Variants in SRGAP3 observed in about 807,000 individuals in gnomAD.
SRGAP3 encodes SLIT-ROBO Rho GTPase activating protein 3.
A neutral mutation model predicts 121.1 loss-of-function variants in SRGAP3; 39 were observed. The observed-to-expected ratio is 0.32, with a 90% CI of 0.25 to 0.42. The LOEUF is 0.42. SRGAP3 is among the 10% of genes least tolerant of loss of function. The pLI is 1.00. For synonymous variants in SRGAP3, 601 were observed against 570.0 expected (o/e 1.05, Z -0.77); for missense variants, 1,213 against 1,470.6 (o/e 0.82, Z 2.86).
intron 3 of SRGAP3, among the ~76,000 whole-genome samples, chr3:9,299,594 A>T (rs907840867): frequency 6.6e-6 from 1 of 152,040 alleles, no homozygotes; most frequent in African/African-American, 2.4e-5. Context: ...TGAAACACTG[A>T]TCATGTTGCT....
rs921375601 is a variant in SRGAP3, at chr3:9,089,872, T to C, written c.424-9785A>G. 7.9e-5 allele frequency among the ~76,000 whole-genome samples: 12 copies of C among 152,240 alleles called. No homozygotes were observed. In the East Asian group the frequency reaches 2.1e-3, roughly 27 times the overall value. On this transcript the variant is annotated intron_variant, in intron 3 of 21. Coordinates refer to ENST00000383836, the MANE Select transcript of SRGAP3 (RefSeq NM_014850.4). ...AGGCTAAGCCAATGAAGAATCTTCT[T>C]TGGGACGTTTCTCATAACCACACTC...
chr3:8,988,810 C>T (rs1028344704), intron 21 of SRGAP3, among the ~76,000 whole-genome samples: 2 of 152,210 alleles, frequency 1.3e-5, no homozygotes, highest in Non-Finnish European at 2.9e-5. Flanking sequence ...CAGGAGAGCA[C>T]TACCTAGATC....
At chr3:9,110,330 CACG>C (rs1170129323) in intron 2 of SRGAP3, among the ~76,000 whole-genome samples, 8 of 152,144 alleles carry the variant, frequency 5.3e-5, no homozygotes, top group Admixed American at 4.6e-4. Flanking sequence ...TCGAGTCGAA[CACG>C]ACGAGTCTAA....
chr3:9,286,602 T>C (rs1487042840), intron 3 of SRGAP3, among the ~76,000 whole-genome samples: 1 of 152,088 alleles, frequency 6.6e-6, no homozygotes, highest in Non-Finnish European at 1.5e-5. Flanking sequence ...TTTTTGTCGT[T>C]GTTGTTGTTG....
chr3:9,356,872 A>G lies in SRGAP3; in HGVS notation n.214+5968T>C, dbSNP rs374337638. ...TAACACCAAATCAGGTCAAGAGAAT[A>G]TTTTCTTTTGATGACTTAATCTCTC... is the stretch of plus-strand genomic sequence containing the variant. On this transcript the variant is annotated intron_variant and non_coding_transcript_variant, in intron 1 of 3. Transcript: ENST00000490889. 1.2e-3 allele frequency among the ~76,000 whole-genome samples: 176 copies of G among 152,196 alleles called. 1 individual carries two copies. Among genetic ancestry groups the G allele is most frequent in the African/African-American group, 4.0e-3 (167 of 41,522 alleles).
rs1332759878 is a variant in SRGAP3 at position 8,985,511 on chromosome 3, C to G, written c.*8G>C. The G allele has an allele frequency of 1.3e-6, 2 of 1,598,654 alleles. No individual in the cohort carries two copies. Among genetic ancestry groups the G allele is most frequent in the Admixed American group, 1.7e-5 (1 of 59,964 alleles). On this transcript the variant is annotated 3_prime_UTR_variant, in exon 22 of 22. Coordinates refer to ENST00000383836, the MANE Select transcript of SRGAP3 (RefSeq NM_014850.4). The surrounding 1 kb of genome is among the most constrained non-coding windows in gnomAD (Gnocchi z 5.1). Reference sequence around the variant, plus strand: ...AGCGGGCCACGGCGGCGCGGCCCATCCTGCAGGTCACATGGTGCCCGACTT... The same window carrying G: ...AGCGGGCCACGGCGGCGCGGCCCATGCTGCAGGTCACATGGTGCCCGACTT...
At chr3:9,354,128 AG>A (rs35281505) in intron 1 of SRGAP3, among the ~76,000 whole-genome samples, 46,211 of 152,040 alleles carry the variant, frequency 0.3, 9,336 homozygotes, top group African/African-American at 0.57. Flanking sequence ...AGAAGAAGGA[AG>A]GGGGCGACAG....
At chr3:9,042,903 T>C (rs1445091075) in intron 10 of SRGAP3, among the ~76,000 whole-genome samples, 6 of 152,204 alleles carry the variant, frequency 3.9e-5, no homozygotes, top group Admixed American at 6.5e-5. Context: ...TCAATTCTTC[T>C]GACTCACCAC....
rs1949847755 is a variant in SRGAP3, at chr3:9,141,553, G to GT, written c.68-16637_68-16636insA. Among the ~76,000 whole-genome samples the GT allele has an allele frequency of 7.4e-3, 1,020 of 138,454 alleles. 20 individuals carry two copies. The highest frequency in any genetic ancestry group is 0.027 in the African/African-American group (977 of 36,462). 90.8% of individuals were successfully genotyped at this position (138,454 alleles called of 152,430 possible). A position where few individuals can be genotyped will look rare whatever the true frequency, so the allele number is the denominator to read the frequency against. On this transcript the variant is annotated intron_variant, in intron 1 of 21. Transcript: ENST00000383836. ...GAAACAAGAAGGATCTGACTTCAGG[G>GT]GTGTGTGTGTGTGTGTGTGTGTGTG...
chr3:9,190,826 C>A (rs1290403332), intron 1 of SRGAP3, among the ~76,000 whole-genome samples: 1 of 152,182 alleles, frequency 6.6e-6, no homozygotes, highest in African/African-American at 2.4e-5. Flanking sequence ...AAAGGAAAGT[C>A]AAGTGGTATG....
At position 9,013,330 on chromosome 3, in the gene SRGAP3, T is replaced by A; in HGVS notation, c.2125A>T (p.Met709Leu). 6.2e-7 allele frequency: 1 copy of A among 1,614,086 alleles called. No individual in the cohort carries two copies. The highest frequency in any genetic ancestry group is 8.5e-7 in the Non-Finnish European group (1 of 1,179,992). Residue 709 changes from methionine (M) to leucine (L), a missense_variant, in exon 17 of 22, where the codon ATG (methionine) becomes TTG (leucine). Met to Leu is a conservative substitution (Grantham distance 15). This residue lies in a region of SRGAP3 where 793 missense variants were observed against 1,032.9 expected (regional missense o/e 0.77). Transcript: ENST00000383836. ...TACCAATATTCTTCCCCTCCAGCCA[T>A]GCATTTTTCATACACAGGTCCCTCT... ...ELEGPVYEKC[M>L]AGGEEYCDSP...
chr3:9,212,715 A>G (rs1952487904), intron 1 of SRGAP3, among the ~76,000 whole-genome samples: 1 of 152,136 alleles, frequency 6.6e-6, no homozygotes, highest in African/African-American at 2.4e-5. Flanking sequence ...CTCCGTCTCA[A>G]AAAAAGAAAG....
chr3:9,199,068 T>C (rs1951994171), intron 1 of SRGAP3, among the ~76,000 whole-genome samples: 1 of 152,082 alleles, frequency 6.6e-6, no homozygotes, highest in Non-Finnish European at 1.5e-5. Context: ...CTGCCCCCCC[T>C]TCCCATCCTT....
At chr3:9,284,496 A>G (rs1384173539) in intron 3 of SRGAP3, among the ~76,000 whole-genome samples, 5 of 152,208 alleles carry the variant, frequency 3.3e-5, no homozygotes, top group Non-Finnish European at 7.3e-5. Context: ...TGCGAAAGTC[A>G]ACACAGTGAA....
intron 1 of SRGAP3, among the ~76,000 whole-genome samples, chr3:9,235,368 A>C (rs1297936614): frequency 6.6e-6 from 1 of 152,176 alleles, no homozygotes; most frequent in African/African-American, 2.4e-5. Flanking sequence ...TTGAATGTTT[A>C]TAGTGGTTAT....
intron 2 of SRGAP3, among the ~76,000 whole-genome samples, chr3:9,108,888 A>G (rs1575085809): frequency 6.6e-6 from 1 of 152,172 alleles, no homozygotes; most frequent in African/African-American, 2.4e-5. Flanking sequence ...AGATTTCTCA[A>G]CAGGAGAGCA....
At position 9,267,354 on chromosome 3, in the gene SRGAP3, A is replaced by T. The variant is rs140659957; in HGVS notation, n.442+58656T>A. Among the ~76,000 whole-genome samples the T allele has an allele frequency of 3.6e-3, 545 of 152,322 alleles. 4 individuals carry two copies. The highest frequency in any genetic ancestry group is 0.012 in the African/African-American group (513 of 41,574). The stretch of plus-strand genomic sequence containing the variant: ...AAATATGGGATAAAAACCAGAAATG[A>T]TGGTTGAGAGATGAGATCAACTACA... On this transcript the variant is annotated intron_variant and non_coding_transcript_variant, in intron 3 of 3. Coordinates refer to the SRGAP3 transcript ENST00000490889.
At chr3:9,178,886 C>T (rs1162401581) in intron 1 of SRGAP3, among the ~76,000 whole-genome samples, 1 of 152,202 alleles carries the variant, frequency 6.6e-6, no homozygotes, top group Non-Finnish European at 1.5e-5. Context: ...AGGACGTGGG[C>T]AGCTCAGCTA....
Position 9,047,504 on chromosome 3 carries a change from T to C in SRGAP3, c.1324-29A>G, listed in dbSNP as rs761718100. On this transcript the variant is annotated intron_variant, in intron 9 of 21. Coordinates refer to ENST00000383836, the MANE Select transcript of SRGAP3 (RefSeq NM_014850.4). ...TAAGACACAAGGCACAAGGAAGTTA[T>C]AGATTGCAAGGCCGAGTAATGGGAT... is the stretch of plus-strand genomic sequence containing the variant. 1.4e-5 allele frequency: 22 copies of C among 1,609,530 alleles called. No individual in the cohort carries two copies. The East Asian group carries it at 2.7e-4, about 20-fold the overall frequency.
Sources: gnomAD v4.1 joint callset for allele counts (sites outside exome capture counted in the v4.1 genomes callset) on GRCh38, gnomAD v4.1.1 for gene constraint, gnomAD v4.1.1 regional missense constraint, Gnocchi (gnomAD v3.1) non-coding constraint, MANE v1.5 for transcripts, NCBI Gene and HGNC (gene_info 2026-07-23, HGNC 2026-07-21) for gene names.